The following ZBTB34 variants were observed in gnomAD, a reference collection of about 807,000 sequenced individuals.
ZBTB34 encodes the protein zinc finger and BTB domain-containing protein 34.
Under a neutral mutation model 33.4 loss-of-function variants are expected in ZBTB34, and 1 was observed. The ratio of observed to expected loss-of-function variants is 0.03; its 90% CI spans 0.01 to 0.14. The LOEUF is 0.14. Among genes scored for constraint, ZBTB34 ranks in the 10% least tolerant of loss-of-function variants. The pLI is 1.00. For missense variants in ZBTB34, 406 were observed against 657.2 expected (o/e 0.62, Z 4.18); for synonymous variants, 283 against 253.5 (o/e 1.12, Z -1.11).
intron 1 of ZBTB34, among the ~76,000 whole-genome samples, chr9:126,863,903 C>CT (rs2033170504): frequency 6.6e-6 from 1 of 152,116 alleles, no homozygotes; most frequent in African/African-American, 2.4e-5. Context: ...TATGAAACAT[C>CT]TTTTTTCCTA....
In ZBTB34 at chr9:126,867,965, A is replaced by C. The variant is rs74937800; in HGVS notation, c.-11+7226A>C. ...ATTTTATGTGACCCTCTAATGTTACATATAAGGGCAGTTATTGCCTTTTTG... is the reference window on the plus strand; with the variant it reads ...ATTTTATGTGACCCTCTAATGTTACCTATAAGGGCAGTTATTGCCTTTTTG... On this transcript the variant is annotated intron_variant, in intron 1 of 1. Transcript: ENST00000319119. 6.3e-3 allele frequency among the ~76,000 whole-genome samples: 960 copies of C among 152,262 alleles called. 38 individuals carry two copies. In the East Asian group the frequency reaches 0.1, roughly 16 times the overall value.
chr9:126,873,773 T>C (rs975939217), intron 1 of ZBTB34, among the ~76,000 whole-genome samples: 1 of 150,692 alleles, frequency 6.6e-6, no homozygotes, highest in African/African-American at 2.4e-5. Flanking sequence ...CCCAGCTAAT[T>C]TTTGTATTTT....
chr9:126,878,708 T>C (rs1363615239), intron 1 of ZBTB34, among the ~76,000 whole-genome samples: 1 of 151,746 alleles, frequency 6.6e-6, no homozygotes, highest in Non-Finnish European at 1.5e-5. Flanking sequence ...TAGATGAATT[T>C]AGTTTTGTTT....
chr9:126,863,107 A>G (rs532272118), intron 1 of ZBTB34, among the ~76,000 whole-genome samples: 38 of 152,322 alleles, frequency 2.5e-4, no homozygotes, highest in African/African-American at 9.1e-4. Flanking sequence ...GTGATTCTTC[A>G]TTCGGAGGCT....
intron 1 of ZBTB34, among the ~76,000 whole-genome samples, chr9:126,875,070 G>A (rs2033337358): frequency 6.6e-6 from 1 of 152,158 alleles, no homozygotes; most frequent in Admixed American, 6.6e-5. Context: ...GCACTATCCA[G>A]TTTGGTGGCC....
In ZBTB34 at chr9:126,880,372, C is replaced by T. The variant is rs768614500; in HGVS notation, c.973C>T (p.Arg325Cys). Reference sequence around the variant, plus strand: ...GAGCTGTTTCCGAGGAGGGCGTGCCCGCCAGAAGCGGGCTTTGTCTGTCCA... The same window carrying T: ...GAGCTGTTTCCGAGGAGGGCGTGCCTGCCAGAAGCGGGCTTTGTCTGTCCA... The change falls in exon 2 of 2, where the codon CGC (arginine) becomes TGC (cysteine). Residue 325 changes from arginine to cysteine, a missense_variant. By Grantham distance (180) the Arg-to-Cys change is radical. Around this residue, in one of 6 missense-constraint regions of ZBTB34, gnomAD observed 123 missense variants for 140.4 expected, o/e 0.88. Coordinates refer to ENST00000319119, the Ensembl canonical transcript of ZBTB34. The surrounding 1 kb of genome is among the most constrained non-coding windows in gnomAD (Gnocchi z 6.7). 8 of 1,613,710 alleles carry T rather than the reference C, an allele frequency of 5.0e-6. No homozygotes were observed. Among genetic ancestry groups the T allele is most frequent in the East Asian group, 2.2e-5 (1 of 44,880 alleles).
intron 1 of ZBTB34, among the ~76,000 whole-genome samples, chr9:126,877,878 G>A (rs1028935685): frequency 2.0e-5 from 3 of 151,856 alleles, no homozygotes; most frequent in East Asian, 3.9e-4. Flanking sequence ...GGTGGTGCAC[G>A]CCTGTAGTCC....
chr9:126,872,256 A>G (rs1461753957), intron 1 of ZBTB34, among the ~76,000 whole-genome samples: 3 of 152,100 alleles, frequency 2.0e-5, no homozygotes, highest in Admixed American at 6.5e-5. Flanking sequence ...CGGCCTACAA[A>G]AAACTTTTTT....
At chr9:126,862,329 TGAAGGCATTG>T (rs981608998) in intron 1 of ZBTB34, among the ~76,000 whole-genome samples, 4 of 152,174 alleles carry the variant, frequency 2.6e-5, no homozygotes, top group African/African-American at 9.7e-5. Context: ...TTGAAACTAC[TGAAGGCATTG>T]GTGAAGAAGC....
At chr9:126,867,580 T>C (rs552976882) in intron 1 of ZBTB34, among the ~76,000 whole-genome samples, 1 of 152,034 alleles carries the variant, frequency 6.6e-6, no homozygotes, top group East Asian at 1.9e-4. Flanking sequence ...ATGCATATAT[T>C]TTTCCTCAAT....
At chr9:126,872,747 T>C (rs1287397161) in intron 1 of ZBTB34, among the ~76,000 whole-genome samples, 1 of 152,174 alleles carries the variant, frequency 6.6e-6, no homozygotes, top group Non-Finnish European at 1.5e-5. Flanking sequence ...AAGCTTCTTG[T>C]TCAAGAGTGT....
chr9:126,877,282 A>G (rs1013343375), intron 1 of ZBTB34, among the ~76,000 whole-genome samples: 6 of 152,192 alleles, frequency 3.9e-5, no homozygotes, highest in Non-Finnish European at 5.9e-5. Flanking sequence ...AGACTCTACA[A>G]TTGTTAACAT....
exon 2 of ZBTB34, chr9:126,881,328 A>T (rs993989901): frequency 6.0e-6 from 1 of 166,886 alleles, no homozygotes; most frequent in Non-Finnish European, 1.5e-5. Flanking sequence ...ACCTTTTCTA[A>T]TTTAAAATTC....
In ZBTB34 at chr9:126,881,362, T is replaced by TTA. The variant is rs755399500; in HGVS notation, c.*461_*462dup. 1.7e-4 allele frequency: 28 copies of TTA among 161,654 alleles called. 1 individual carries two copies. The Middle Eastern group carries it at 0.011, about 61-fold the overall frequency. The allele number at this position is 161,654 out of a possible 1,614,324, so 10.0% of individuals were successfully genotyped here. Reference sequence around the variant, plus strand: ...TCCTTTTAGGGGGTAGTTAGACAATTTATATATATATATAATAAAACTATT... The same window carrying TTA: ...TCCTTTTAGGGGGTAGTTAGACAATTTATATATATATATATAATAAAACTATT... On this transcript the variant is annotated 3_prime_UTR_variant, in exon 2 of 2. Coordinates refer to ENST00000319119, the Ensembl canonical transcript of ZBTB34.
rs564121155 is a variant in ZBTB34 at position 126,873,395 on chromosome 9, C to G, written c.-10-5995C>G. The stretch of plus-strand genomic sequence containing the variant: ...GCTCCCACCTCAGCCCCCCGAGTAC[C>G]TGGGACTACAGGCGCCCACCATCTT... On this transcript the variant is annotated intron_variant, in intron 1 of 1. Coordinates refer to ENST00000319119, the Ensembl canonical transcript of ZBTB34. 3.9e-4 allele frequency among the ~76,000 whole-genome samples: 60 copies of G among 152,048 alleles called. 1 individual carries two copies. The highest frequency in any genetic ancestry group is 1.4e-3 in the African/African-American group (59 of 41,486).
rs1487745795 is a variant in ZBTB34 at position 126,879,114 on chromosome 9, G to C, written c.-10-276G>C. ...TTCCTAAAAGGAGACCAATTTCTCA[G>C]TCAGAGCCAAAATAGTCCTACTATG... On this transcript the variant is annotated intron_variant, in intron 1 of 1. Coordinates refer to ENST00000319119, the Ensembl canonical transcript of ZBTB34. The surrounding 1 kb of genome is among the most constrained non-coding windows in gnomAD (Gnocchi z 6.4). 6.6e-6 allele frequency among the ~76,000 whole-genome samples: 1 copy of C among 152,148 alleles called. No individual in the cohort carries two copies. Among genetic ancestry groups the C allele is most frequent in the Non-Finnish European group, 1.5e-5 (1 of 68,040 alleles).
chr9:126,874,849 T>C (rs2033334174), intron 1 of ZBTB34, among the ~76,000 whole-genome samples: 1 of 152,210 alleles, frequency 6.6e-6, no homozygotes, highest in African/African-American at 2.4e-5. Flanking sequence ...ATAGCAGTTG[T>C]TCACATAGGC....
In ZBTB34 at chr9:126,880,433, C is replaced by T; in HGVS notation, c.1034C>T (p.Ser345Phe). 7 of 1,613,604 alleles carry T rather than the reference C, an allele frequency of 4.3e-6. No individual in the cohort carries two copies. The highest frequency in any genetic ancestry group is 5.9e-6 in the Non-Finnish European group (7 of 1,179,856). The change falls in exon 2 of 2, where the codon TCT (serine) becomes TTT (phenylalanine). Residue 345 changes from serine to phenylalanine, a missense_variant. Ser to Phe is a radical substitution (Grantham distance 155). This residue lies in a region of ZBTB34 where 123 missense variants were observed against 140.4 expected (regional missense o/e 0.88). Coordinates refer to ENST00000319119, the Ensembl canonical transcript of ZBTB34. The surrounding 1 kb of genome is among the most constrained non-coding windows in gnomAD (Gnocchi z 6.7). The stretch of plus-strand genomic sequence containing the variant: ...GACCTGCAGGGCCTGGTGCAGGGCT[C>T]TGACAGTGAAGCCATGATGAACAAC...
chr9:126,870,904 G>T (rs1038368856), intron 1 of ZBTB34, among the ~76,000 whole-genome samples: 1 of 151,654 alleles, frequency 6.6e-6, no homozygotes, highest in African/African-American at 2.4e-5. Context: ...TCCAGCCTGG[G>T]CCACAGAGTG....
Sources: gnomAD v4.1 joint callset for allele counts (sites outside exome capture counted in the v4.1 genomes callset) on GRCh38, gnomAD v4.1.1 for gene constraint, gnomAD v4.1.1 regional missense constraint, Gnocchi (gnomAD v3.1) non-coding constraint, MANE v1.5 for transcripts, NCBI Gene and HGNC (gene_info 2026-07-23, HGNC 2026-07-21) for gene names.